NEDD9: variants seen among roughly 807,000 people sequenced by gnomAD.
The protein encoded by NEDD9 is neural precursor cell expressed, developmentally down-regulated 9.
A neutral mutation model predicts 76.6 loss-of-function variants in NEDD9; 26 were observed. That is an observed-to-expected ratio of 0.34 (90% CI 0.25 to 0.47). NEDD9 has a LOEUF of 0.47. NEDD9 is among the 20% of genes least tolerant of loss of function. NEDD9 has a pLI of 1.00. For missense variants in NEDD9, 937 were observed against 1,058.5 expected (o/e 0.89, Z 1.59); for synonymous variants, 392 against 414.2 (o/e 0.95, Z 0.65).
chr6:11,328,337 C>T (rs1180854177), intron 2 of NEDD9, among the ~76,000 whole-genome samples: 9 of 152,222 alleles, frequency 5.9e-5, no homozygotes, highest in Admixed American at 5.9e-4. Context: ...ATGGGCTTTA[C>T]ATTCATACAT....
intron 2 of NEDD9, among the ~76,000 whole-genome samples, chr6:11,319,765 C>T (rs1252424804): frequency 6.7e-6 from 1 of 149,488 alleles, no homozygotes; most frequent in Non-Finnish European, 1.5e-5. Context: ...TGCACACTAA[C>T]ATGCACACTC....
At chr6:11,202,370 C>T (rs1050117551) in intron 2 of NEDD9, among the ~76,000 whole-genome samples, 2 of 152,152 alleles carry the variant, frequency 1.3e-5, no homozygotes, top group Non-Finnish European at 2.9e-5. Context: ...ACAGAGCTAC[C>T]ACAGTATTTA....
chr6:11,188,943 G>A (rs1367600217), intron 5 of NEDD9, among the ~76,000 whole-genome samples: 2 of 125,968 alleles, frequency 1.6e-5, no homozygotes, highest in Non-Finnish European at 1.6e-5. Context: ...ATGGATCTTG[G>A]TAGATTTTTT....
At chr6:11,215,288 A>G (rs1758918601) in intron 1 of NEDD9, among the ~76,000 whole-genome samples, 1 of 152,214 alleles carries the variant, frequency 6.6e-6, no homozygotes, top group African/African-American at 2.4e-5. Context: ...GACAGTTATG[A>G]GATCCAGGAA....
At chr6:11,218,345 C>CTT (rs35407775) in intron 1 of NEDD9, among the ~76,000 whole-genome samples, 12 of 141,058 alleles carry the variant, frequency 8.5e-5, no homozygotes, top group Non-Finnish European at 1.2e-4. Context: ...TCTTCAGCAA[C>CTT]TTTTTTTTTT....
At chr6:11,270,553 A>G (rs1471731890) in intron 3 of NEDD9, among the ~76,000 whole-genome samples, 1 of 152,154 alleles carries the variant, frequency 6.6e-6, no homozygotes, top group Non-Finnish European at 1.5e-5. Flanking sequence ...ATCAGCCTCC[A>G]ATGACGTAGT....
At chr6:11,329,289 C>T (rs952987812) in intron 2 of NEDD9, among the ~76,000 whole-genome samples, 4 of 152,172 alleles carry the variant, frequency 2.6e-5, no homozygotes, top group Admixed American at 6.5e-5. Context: ...TGACATTCAG[C>T]GTGGGAATGG....
intron 1 of NEDD9, among the ~76,000 whole-genome samples, chr6:11,375,778 C>G (rs1166983988): frequency 6.6e-6 from 1 of 152,182 alleles, no homozygotes; most frequent in Non-Finnish European, 1.5e-5. Flanking sequence ...CAGCACCATG[C>G]TTTCTGTATA....
intron 1 of NEDD9, among the ~76,000 whole-genome samples, chr6:11,355,333 CAAGGGGCTAGAAA>C (rs1052334501): frequency 1.8e-4 from 27 of 152,192 alleles, no homozygotes; most frequent in African/African-American, 6.0e-4. Flanking sequence ...AAGAACTTCT[CAAGGGGCTAGAAA>C]AATTTAAAAA....
intron 3 of NEDD9, among the ~76,000 whole-genome samples, chr6:11,294,540 T>C (rs1760848422): frequency 6.6e-6 from 1 of 152,204 alleles, no homozygotes; most frequent in Non-Finnish European, 1.5e-5. Flanking sequence ...CTAAGTTTCC[T>C]GAGGCCTCTG....
chr6:11,319,659 C>A (rs1304886745), intron 2 of NEDD9, among the ~76,000 whole-genome samples: 1 of 146,836 alleles, frequency 6.8e-6, no homozygotes, highest in Non-Finnish European at 1.5e-5. Flanking sequence ...ACATGCCACA[C>A]ACTAACATGC....
In NEDD9 at chr6:11,273,969, T is replaced by C. The variant is rs77084361; in HGVS notation, c.12+32023A>G. Among the ~76,000 whole-genome samples, 1,475 of 152,290 alleles carry C rather than the reference T, an allele frequency of 9.7e-3. 74 individuals carry two copies. The East Asian group carries it at 0.17, about 18-fold the overall frequency. On this transcript the variant is annotated intron_variant, in intron 3 of 3. Transcript: ENST00000397378. ...TGTCACGTCAACATCCAAATGTGCT[T>C]TTCCTCTTTCTAATGAAAGAATTCA...
rs201665413 is a variant in NEDD9, at chr6:11,293,204, T to TTTTG, written c.12+12784_12+12787dup. On this transcript the variant is annotated intron_variant, in intron 3 of 3. Transcript: ENST00000397378. The stretch of plus-strand genomic sequence containing the variant: ...AGACAATCTAAGTCTATGTTTTTTT[T>TTTTG]TTTGTTTAAATCTTGCAACAGTCCA... Among the ~76,000 whole-genome samples, 262 of 152,270 alleles carry TTTTG rather than the reference T, an allele frequency of 1.7e-3. 2 individuals are homozygous for TTTTG. Among genetic ancestry groups the TTTTG allele is most frequent in the East Asian group, 3.7e-3 (19 of 5,194 alleles).
At chr6:11,323,413 G>A (rs992049857) in intron 2 of NEDD9, among the ~76,000 whole-genome samples, 4 of 152,242 alleles carry the variant, frequency 2.6e-5, no homozygotes, top group East Asian at 1.9e-4. Context: ...TGGGAGTGGC[G>A]TCCTCTCAGA....
At chr6:11,279,743 A>G (rs1315215622) in intron 3 of NEDD9, among the ~76,000 whole-genome samples, 1 of 152,026 alleles carries the variant, frequency 6.6e-6, no homozygotes, top group African/African-American at 2.4e-5. Flanking sequence ...GGGGAAATTC[A>G]ACAATTGCCA....
intron 1 of NEDD9, among the ~76,000 whole-genome samples, chr6:11,218,946 C>T (rs1393605928): frequency 3.3e-5 from 5 of 152,164 alleles, no homozygotes; most frequent in African/African-American, 1.2e-4. Context: ...ACTGACCATC[C>T]CAGTGAGATT....
intron 1 of NEDD9, among the ~76,000 whole-genome samples, chr6:11,373,475 G>C (rs776987453): frequency 1.1e-4 from 16 of 152,170 alleles, no homozygotes; most frequent in Non-Finnish European, 1.0e-4. Context: ...TGTATCTGCA[G>C]TGCTTCTTGA....
intron 3 of NEDD9, among the ~76,000 whole-genome samples, chr6:11,270,777 GGACA>G (rs1760290163): frequency 6.6e-6 from 1 of 152,178 alleles, no homozygotes; most frequent in Non-Finnish European, 1.5e-5. Flanking sequence ...CAGTCTAGCA[GGACA>G]GACAAACCCA....
intron 3 of NEDD9, among the ~76,000 whole-genome samples, chr6:11,244,131 C>T (rs956894861): frequency 1.3e-5 from 2 of 152,082 alleles, no homozygotes; most frequent in Admixed American, 6.5e-5. Context: ...AATTCTGTTC[C>T]ACCAGCCTTC....
Sources: gnomAD v4.1 joint callset for allele counts (sites outside exome capture counted in the v4.1 genomes callset) on GRCh38, gnomAD v4.1.1 for gene constraint, MANE v1.5 for transcripts, NCBI Gene and HGNC (gene_info 2026-07-23, HGNC 2026-07-21) for gene names.